MRPS6: variants seen among roughly 807,000 people sequenced by gnomAD.
MRPS6 encodes the protein mitochondrial ribosomal protein S6, also known as small ribosomal subunit protein bS6m.
MRPS6 carries 6 observed loss-of-function variants against 13.1 expected under a neutral mutation model. The ratio of observed to expected loss-of-function variants is 0.46; its 90% confidence interval spans 0.25 to 0.91. MRPS6 has a LOEUF of 0.91. Ranked by LOEUF, MRPS6 falls within the 40% of genes least tolerant of loss-of-function variation. The probability of loss-of-function intolerance (pLI) is 0.18; values close to 1 mark genes in which losing one functional copy is unlikely to be tolerated. For synonymous variants in MRPS6, 61 were observed against 56.5 expected (o/e 1.08, Z -0.36); for missense variants, 164 against 155.6 (o/e 1.05, Z -0.29).
At position 34,096,392 on chromosome 21, in the gene MRPS6, C is replaced by T; in HGVS notation, c.45+22647C>T. The stretch of plus-strand genomic sequence containing the variant: ...TCACCCTCGATGTGTACAAACTTAT[C>T]CGCAAGAGCGCAAGCTCCCGGGAGT... On this transcript the variant is annotated intron_variant, in intron 1 of 2. Coordinates refer to ENST00000399312, the MANE Select transcript of MRPS6 (RefSeq NM_032476.4). The surrounding 1 kb of genome is among the most constrained non-coding windows in gnomAD (Gnocchi z 5.9). 3 of 1,614,166 alleles carry T rather than the reference C, an allele frequency of 1.9e-6. 1 individual carries two copies. Among genetic ancestry groups the T allele is most frequent in the South Asian group, 2.2e-5 (2 of 91,078 alleles).
intron 1 of MRPS6, chr21:34,100,061 T>G: frequency 1.0e-6 from 1 of 995,762 alleles, no homozygotes; most frequent in Non-Finnish European, 1.2e-6. Context: ...ACATTGGTCT[T>G]TAGACATTAA....
chr21:34,115,484 C>T (rs930521768), intron 1 of MRPS6, among the ~76,000 whole-genome samples: 10 of 152,174 alleles, frequency 6.6e-5, no homozygotes, highest in African/African-American at 2.4e-4. Flanking sequence ...TCTCATTCCC[C>T]AAGAGACAGA....
chr21:34,100,314 T>A, intron 1 of MRPS6: 1 of 1,000,256 alleles, frequency 1.0e-6, no homozygotes, highest in Non-Finnish European at 1.2e-6. Flanking sequence ...TATTGCATAT[T>A]TTGTGGGACC....
At chr21:34,087,349 C>G (rs889464256) in intron 1 of MRPS6, among the ~76,000 whole-genome samples, 1 of 152,106 alleles carries the variant, frequency 6.6e-6, no homozygotes, top group African/African-American at 2.4e-5. Context: ...GTTTAGCAGT[C>G]TTGATGGCGA....
intron 1 of MRPS6, among the ~76,000 whole-genome samples, chr21:34,119,318 G>A (rs1250961587): frequency 2.6e-5 from 4 of 152,186 alleles, no homozygotes; most frequent in African/African-American, 9.6e-5. Context: ...ACACCCATTT[G>A]ACTGTTGAAA....
intron 1 of MRPS6, among the ~76,000 whole-genome samples, chr21:34,118,515 A>G (rs976582934): frequency 4.8e-4 from 72 of 150,468 alleles, no homozygotes; most frequent in African/African-American, 1.7e-3. Flanking sequence ...AAAGCCTGTT[A>G]AGTCTTTATT....
chr21:34,122,101 G>C (rs1232256424), intron 1 of MRPS6: 1 of 152,224 alleles, frequency 6.6e-6, no homozygotes, highest in African/African-American at 2.4e-5. Context: ...GCTTCCCTCA[G>C]CCCATCACAA....
chr21:34,141,230 A>G (rs1980896763), intron 2 of MRPS6, among the ~76,000 whole-genome samples: 3 of 152,200 alleles, frequency 2.0e-5, no homozygotes, highest in South Asian at 2.1e-4. Flanking sequence ...TCCTATGGCA[A>G]CTGTGCTTTA....
chr21:34,125,112 A>G, intron 1 of MRPS6: 3 of 617,006 alleles, frequency 4.9e-6, no homozygotes, highest in Non-Finnish European at 7.4e-6. Context: ...AACTCTCCGA[A>G]GCCTGGTTCT....
At chr21:34,116,178 T>TTGTGTGTG (rs57694757) in intron 1 of MRPS6, among the ~76,000 whole-genome samples, 2,747 of 141,334 alleles carry the variant, frequency 0.019, 42 homozygotes, top group South Asian at 0.05. Flanking sequence ...CCAGCTAATT[T>TTGTGTGTG]TGTGTGTGTG....
At chr21:34,076,792 T>A (rs1989342866) in intron 1 of MRPS6, among the ~76,000 whole-genome samples, 1 of 152,186 alleles carries the variant, frequency 6.6e-6, no homozygotes, top group South Asian at 2.1e-4. Flanking sequence ...TTTAGACCAG[T>A]CTTAGTTCAT....
At chr21:34,114,743 C>T (rs553494596) in intron 1 of MRPS6, among the ~76,000 whole-genome samples, 1 of 152,220 alleles carries the variant, frequency 6.6e-6, no homozygotes, top group East Asian at 1.9e-4. Context: ...TTTGAAACCT[C>T]AGAAATTAGT....
intron 1 of MRPS6, among the ~76,000 whole-genome samples, chr21:34,086,191 G>T (rs1386932141): frequency 6.6e-6 from 1 of 152,116 alleles, no homozygotes; most frequent in East Asian, 1.9e-4. Flanking sequence ...ATAGGTTCTA[G>T]AAATTTGATT....
intron 1 of MRPS6, chr21:34,098,677 G>A (rs1979085741): frequency 1.5e-5 from 15 of 1,000,244 alleles, no homozygotes; most frequent in Non-Finnish European, 1.8e-5. Context: ...GGTTAGTAGT[G>A]TGTCTTGTGG....
chr21:34,125,109 C>T (rs1980253984), intron 1 of MRPS6: 10 of 600,874 alleles, frequency 1.7e-5, no homozygotes, highest in Admixed American at 7.7e-5. Flanking sequence ...CTGAACTCTC[C>T]GAAGCCTGGT....
rs575254264 is a variant in MRPS6, at chr21:34,090,831, G to A, written c.45+17086G>A. On this transcript the variant is annotated intron_variant, in intron 1 of 2. Transcript: ENST00000399312. ...TGAGATCCTACAGTTAGGAAGTGAC[G>A]GAGCATGGAACCCAGCCCTTAAAAA... 5.9e-5 allele frequency among the ~76,000 whole-genome samples: 9 copies of A among 152,276 alleles called. No individual in the cohort carries two copies. The South Asian group carries it at 6.2e-4, about 11-fold the overall frequency.
At chr21:34,122,412 T>C (rs1266038571) in intron 1 of MRPS6, 1 of 152,194 alleles carries the variant, frequency 6.6e-6, no homozygotes, top group African/African-American at 2.4e-5. Flanking sequence ...GTGAGATGAA[T>C]GTGGCCATTC....
At chr21:34,127,839 G>A (rs1980361749) in intron 2 of MRPS6, among the ~76,000 whole-genome samples, 1 of 152,208 alleles carries the variant, frequency 6.6e-6, no homozygotes, top group Non-Finnish European at 1.5e-5. Context: ...TGGGAGACTT[G>A]CTTTTCTGAA....
intron 1 of MRPS6, chr21:34,105,892 A>G: frequency 1.0e-6 from 1 of 986,966 alleles, no homozygotes; most frequent in Non-Finnish European, 1.2e-6. Flanking sequence ...TGTTAAAATC[A>G]TGACAATTCT....
Sources: allele counts gnomAD v4.1 joint callset (sites outside exome capture counted in the v4.1 genomes callset), GRCh38; gene constraint gnomAD v4.1.1; non-coding constraint Gnocchi (gnomAD v3.1); transcripts MANE v1.5; gene names NCBI Gene and HGNC (gene_info 2026-07-23, HGNC 2026-07-21).